PDILT: variants seen among roughly 807,000 people sequenced by gnomAD.
PDILT encodes protein disulfide-isomerase-like protein of the testis.
A neutral mutation model predicts 53.7 loss-of-function variants in PDILT; 43 were observed. That is an observed-to-expected ratio of 0.80 (90% CI 0.63 to 1.03). PDILT has a LOEUF of 1.03. PDILT is among the 50% of genes least tolerant of loss of function. The pLI, the probability that PDILT is intolerant of heterozygous loss-of-function variation, is 0.00. For synonymous variants in PDILT, 282 were observed against 274.2 expected, an observed-to-expected ratio of 1.03 and a Z score of -0.28; for missense variants, 727 against 712.3, an observed-to-expected ratio of 1.02 and a Z score of -0.24.
chr16:20,382,392 A>G (rs1966473017), intron 3 of PDILT, among the ~76,000 whole-genome samples: 1 of 152,228 alleles, frequency 6.6e-6, no homozygotes, highest in Non-Finnish European at 1.5e-5. Flanking sequence ...CTTTATTGGA[A>G]CACAGTCATT....
At chr16:20,396,773 C>G (rs143980517) in intron 2 of PDILT, among the ~76,000 whole-genome samples, 1 of 152,326 alleles carries the variant, frequency 6.6e-6, no homozygotes, top group African/African-American at 2.4e-5. Context: ...TTGTGACATT[C>G]CTGGCTTAAA....
At chr16:20,360,713 G>C (rs868457054) in intron 10 of PDILT, 56 bp from the exon 11 acceptor site, 1 of 1,325,266 alleles carries the variant, frequency 7.5e-7, no homozygotes, top group African/African-American at 1.4e-5. Flanking sequence ...AGAGATGCTC[G>C]AGGATTGCTA....
chr16:20,381,611 G>T (rs1419594356), intron 3 of PDILT, among the ~76,000 whole-genome samples: 1 of 148,392 alleles, frequency 6.7e-6, no homozygotes, highest in Non-Finnish European at 1.5e-5. Context: ...ACTCCAGCCT[G>T]GCAAAACAGT....
At chr16:20,378,877 C>G (rs779366180) in intron 3 of PDILT, among the ~76,000 whole-genome samples, 1 of 152,092 alleles carries the variant, frequency 6.6e-6, no homozygotes, top group Non-Finnish European at 1.5e-5. Flanking sequence ...TATAAATGTT[C>G]TTGGCTCTGG....
chr16:20,386,787 G>A (rs1708749474), intron 2 of PDILT, among the ~76,000 whole-genome samples: 1 of 152,186 alleles, frequency 6.6e-6, no homozygotes, highest in Admixed American at 6.5e-5. Context: ...GGCTCTCCCC[G>A]GCTTCCTCGT....
At chr16:20,363,071 C>CAAAAAAAAAA (rs1187383410) in intron 9 of PDILT, among the ~76,000 whole-genome samples, 2 of 93,574 alleles carry the variant, frequency 2.1e-5, no homozygotes, top group Non-Finnish European at 2.0e-5. Context: ...GACTCCATCT[C>CAAAAAAAAAA]AAAAAAAAAA....
In PDILT at chr16:20,373,016, G is replaced by A. The variant is rs371378365; in HGVS notation, c.788C>T (p.Thr263Ile). Residue 263 changes from threonine (T) to isoleucine (I), a missense_variant, in exon 6 of 12, where the codon ACT becomes ATT. Transcript: ENST00000302451. ...GGGGACCATTTACTCACTGACCTCA[G>A]TGTTGTATTCGATCACAAAATCTGT... is the stretch of plus-strand genomic sequence containing the variant. ...HLTDFVIEYN[T>I]ENKDLISELH... The A allele has an allele frequency of 1.5e-5, 25 of 1,613,928 alleles. No individual in the cohort carries two copies. The African/African-American group carries it at 2.8e-4, about 18-fold the overall frequency.
chr16:20,370,161 T>C (rs1966283227), intron 7 of PDILT, among the ~76,000 whole-genome samples: 1 of 152,220 alleles, frequency 6.6e-6, no homozygotes, highest in African/African-American at 2.4e-5. Context: ...ATTCACTCAT[T>C]CATTAAACAA....
At chr16:20,363,597 A>G (rs1966143581) in intron 9 of PDILT, among the ~76,000 whole-genome samples, 1 of 152,170 alleles carries the variant, frequency 6.6e-6, no homozygotes, top group Admixed American at 6.5e-5. Context: ...AGAGTAATTA[A>G]GCAGAAGAAG....
chr16:20,369,037 T>A (rs1476129025), intron 8 of PDILT, among the ~76,000 whole-genome samples: 1 of 152,214 alleles, frequency 6.6e-6, no homozygotes, highest in African/African-American at 2.4e-5. Context: ...CGAAATAGAC[T>A]ATGCCCTTTC....
intron 9 of PDILT, among the ~76,000 whole-genome samples, chr16:20,364,347 G>T (rs1966158557): frequency 6.6e-6 from 1 of 152,206 alleles, no homozygotes; most frequent in African/African-American, 2.4e-5. Context: ...GATTGTAAAA[G>T]GCCTGCATGA....
chr16:20,391,774 A>G (rs1206183826), intron 2 of PDILT, among the ~76,000 whole-genome samples: 1 of 151,972 alleles, frequency 6.6e-6, no homozygotes, highest in Non-Finnish European at 1.5e-5. Context: ...GAGAGAGGTT[A>G]AAAAGAAGGC....
chr16:20,398,904 T>C (rs1422223867), intron 2 of PDILT, among the ~76,000 whole-genome samples, 195 bp downstream of exon 2: 1 of 152,204 alleles, frequency 6.6e-6, no homozygotes, highest in Non-Finnish European at 1.5e-5. Context: ...CATAATATAT[T>C]GCAATTTGCT....
In PDILT at chr16:20,379,058, G is replaced by A. The variant is rs560471295; in HGVS notation, c.410-2857C>T. Reference sequence around the variant, plus strand: ...AGACAGTTTATCCTTCTGTCACCCAGGCTAGAGTGCAGTGGTGTAGTCGTG... The same window carrying A: ...AGACAGTTTATCCTTCTGTCACCCAAGCTAGAGTGCAGTGGTGTAGTCGTG... On this transcript the variant is annotated intron_variant, in intron 3 of 11. Coordinates refer to ENST00000302451, the MANE Select transcript of PDILT (RefSeq NM_174924.2). Among the ~76,000 whole-genome samples, 7 of 151,798 alleles carry A rather than the reference G, an allele frequency of 4.6e-5. No homozygotes were observed. The East Asian group carries it at 1.4e-3, about 29-fold the overall frequency.
intron 3 of PDILT, among the ~76,000 whole-genome samples, chr16:20,379,635 C>T (rs1966434412): frequency 6.6e-6 from 1 of 152,200 alleles, no homozygotes; most frequent in Admixed American, 6.5e-5. Context: ...TGAATGAATT[C>T]TTGTGCATGT....
At chr16:20,363,410 C>T (rs879292060) in intron 9 of PDILT, among the ~76,000 whole-genome samples, 5 of 152,008 alleles carry the variant, frequency 3.3e-5, no homozygotes, top group Non-Finnish European at 5.9e-5. Context: ...AAGCCAAGAA[C>T]AATATTTACG....
chr16:20,388,228 T>C (rs995187617), intron 2 of PDILT, among the ~76,000 whole-genome samples: 1 of 152,150 alleles, frequency 6.6e-6, no homozygotes, highest in Non-Finnish European at 1.5e-5. Context: ...AGAATAGTAA[T>C]AATAACAACA....
Position 20,359,377 on chromosome 16 carries a change from G to GCCA in PDILT, c.1694_1696dup (p.Val565dup), listed in dbSNP as rs745779069. ...TTGCACTGGAGGTCCCTTTGGCTTA[G>GCCA]CCACCACCACCACCACCTCCTCAGA... On this transcript the variant is annotated inframe_insertion, in exon 12 of 12. Coordinates refer to ENST00000302451, the MANE Select transcript of PDILT (RefSeq NM_174924.2). 1.2e-6 allele frequency: 2 copies of GCCA among 1,614,032 alleles called. No individual in the cohort carries two copies. The highest frequency in any genetic ancestry group is 4.5e-5 in the East Asian group (2 of 44,878).
At chr16:20,367,423 C>G (rs1006647585) in intron 8 of PDILT, among the ~76,000 whole-genome samples, 1 of 152,140 alleles carries the variant, frequency 6.6e-6, no homozygotes, top group African/African-American at 2.4e-5. Flanking sequence ...AGTGGGAGCA[C>G]ACATGGGGTG....
Sources: allele counts gnomAD v4.1 joint callset (sites outside exome capture counted in the v4.1 genomes callset), GRCh38; gene constraint gnomAD v4.1.1; transcripts MANE v1.5; gene names NCBI Gene and HGNC (gene_info 2026-07-23, HGNC 2026-07-21).